Variants in CDKL4 observed in about 807,000 individuals in gnomAD.
CDKL4 encodes the protein cyclin-dependent kinase-like 4.
A neutral mutation model predicts 42.0 loss-of-function variants in CDKL4; 44 were observed. The ratio of observed to expected loss-of-function variants is 1.05; its 90% confidence interval spans 0.82 to 1.35. The LOEUF (loss-of-function observed/expected upper bound fraction) is 1.35. Ranked by LOEUF, CDKL4 falls within the 40% of genes most tolerant of loss-of-function variation. The probability of loss-of-function intolerance (pLI) is 0.00; values close to 1 mark genes in which losing one functional copy is unlikely to be tolerated. For synonymous variants in CDKL4, 120 were observed against 121.6 expected, an observed-to-expected ratio of 0.99 and a Z score of 0.09; for missense variants, 393 against 369.9, an observed-to-expected ratio of 1.06 and a Z score of -0.51.
the CDKL4 span, among the ~76,000 whole-genome samples, chr2:39,169,889 C>G: frequency 1.3e-5 from 2 of 152,138 alleles, no homozygotes; most frequent in African/African-American, 4.8e-5. Flanking sequence ...ACCTCCGCCT[C>G]CTGGCTCAAG....
chr2:39,177,069 A>G (rs893221200), intron 9 of CDKL4, among the ~76,000 whole-genome samples: 15 of 152,146 alleles, frequency 9.9e-5, no homozygotes, highest in African/African-American at 3.6e-4. Context: ...GATGGAGAAC[A>G]TGGGCTGATC....
At chr2:39,196,861 C>T (rs1026579399) in intron 5 of CDKL4, among the ~76,000 whole-genome samples, 5 of 152,226 alleles carry the variant, frequency 3.3e-5, no homozygotes, top group African/African-American at 1.2e-4. Flanking sequence ...CCCACCTTGG[C>T]CTCCCAAAGT....
At chr2:39,218,797 C>G (rs1195076756) in intron 3 of CDKL4, among the ~76,000 whole-genome samples, 1 of 152,164 alleles carries the variant, frequency 6.6e-6, no homozygotes, top group Non-Finnish European at 1.5e-5. Flanking sequence ...AGGACTTGGC[C>G]TGAATTAGAC....
chr2:39,193,711 T>C (rs1333608157), intron 5 of CDKL4, among the ~76,000 whole-genome samples: 1 of 152,126 alleles, frequency 6.6e-6, no homozygotes, highest in East Asian at 1.9e-4. Context: ...ATGTTCTTTG[T>C]AGAAAACTTG....
At chr2:39,223,156 T>C (rs1678481261) in intron 3 of CDKL4, among the ~76,000 whole-genome samples, 2 of 152,180 alleles carry the variant, frequency 1.3e-5, no homozygotes, top group South Asian at 4.1e-4. Flanking sequence ...CTGCATATTG[T>C]ACTATTGTAT....
chr2:39,207,585 G>C (rs1400610415), intron 4 of CDKL4, among the ~76,000 whole-genome samples: 1 of 152,166 alleles, frequency 6.6e-6, no homozygotes, highest in South Asian at 2.1e-4. Context: ...GCATTACCAA[G>C]TAAATGGATT....
intron 5 of CDKL4, among the ~76,000 whole-genome samples, chr2:39,193,799 T>C (rs542009728): frequency 1.5e-4 from 23 of 152,238 alleles, no homozygotes; most frequent in Admixed American, 3.3e-4. Context: ...CCTTTTGGAA[T>C]AGAATTGGGA....
chr2:39,238,242 T>A (rs542671541), intron 1 of CDKL4, among the ~76,000 whole-genome samples: 2 of 152,200 alleles, frequency 1.3e-5, no homozygotes, highest in African/African-American at 4.8e-5. Flanking sequence ...ACAAGCCCGG[T>A]CAACATAGTG....
exon 4 of CDKL4, chr2:39,213,442 T>A: frequency 6.2e-7 from 1 of 1,611,594 alleles, no homozygotes; most frequent in Non-Finnish European, 8.5e-7. Flanking sequence ...GTGTTTGCCA[T>A]AATACGCTTT....
In CDKL4 at chr2:39,201,589, G is replaced by C. The variant is rs146344995; in HGVS notation, c.454+2938C>G. Among the ~76,000 whole-genome samples the C allele has an allele frequency of 1.9e-3, 289 of 152,188 alleles. 2 individuals are homozygous for C. Among genetic ancestry groups the C allele is most frequent in the African/African-American group, 6.8e-3 (281 of 41,506 alleles). On this transcript the variant is annotated intron_variant, in intron 5 of 9. Coordinates refer to ENST00000451199, the Ensembl canonical transcript of CDKL4. ...AGCCCAAATGTCCATCAATCAACAA[G>C]TAGATAAAGAAAATGTGGTATATAT...
the CDKL4 span, among the ~76,000 whole-genome samples, chr2:39,168,328 G>A: frequency 6.6e-6 from 1 of 152,188 alleles, no homozygotes; most frequent in African/African-American, 2.4e-5. Context: ...TGGTCAATGA[G>A]TAGTGTTCAT....
chr2:39,229,604 G>C lies in CDKL4; in HGVS notation c.-56-16C>G, dbSNP rs1678971934. On this transcript the variant is annotated splice_polypyrimidine_tract_variant and intron_variant, in intron 1 of 9. Transcript: ENST00000451199. ...AATGCTGCACCTGGAAAATAAGGTA[G>C]ACTTGCCTTAATCAAGCTATAAAAG... 5 of 1,223,088 alleles carry C rather than the reference G, an allele frequency of 4.1e-6. No homozygotes were observed. In the African/African-American group the frequency reaches 4.6e-5, roughly 11 times the overall value. The allele number at this position is 1,223,088 out of a possible 1,614,324, so 75.8% of individuals were successfully genotyped here.
At chr2:39,219,961 C>G (rs1281948553) in intron 3 of CDKL4, among the ~76,000 whole-genome samples, 1 of 152,120 alleles carries the variant, frequency 6.6e-6, no homozygotes, top group Non-Finnish European at 1.5e-5. Flanking sequence ...GATATCGACC[C>G]TAAAAGAACC....
chr2:39,171,310 G>A (rs1674993946), downstream of CDKL4, among the ~76,000 whole-genome samples: 1 of 151,330 alleles, frequency 6.6e-6, no homozygotes, highest in African/African-American at 2.4e-5. Context: ...ATGAAGAACT[G>A]TGATACACCT....
intron 5 of CDKL4, among the ~76,000 whole-genome samples, chr2:39,201,849 C>T (rs565188904): frequency 2.6e-4 from 40 of 152,160 alleles, no homozygotes; most frequent in South Asian, 2.3e-3. Context: ...GGTCGGGCGG[C>T]GGGTGAGGGA....
intron 3 of CDKL4, among the ~76,000 whole-genome samples, chr2:39,225,330 A>C (rs890571901): frequency 6.6e-6 from 1 of 151,832 alleles, no homozygotes; most frequent in African/African-American, 2.4e-5. Flanking sequence ...GCTTGAACCC[A>C]GGAGGTGGAG....
chr2:39,176,384 A>G (rs2148274334), intron 9 of CDKL4, among the ~76,000 whole-genome samples: 1 of 152,308 alleles, frequency 6.6e-6, no homozygotes, highest in African/African-American at 2.4e-5. Flanking sequence ...CCCATCAGCT[A>G]CTATACAATA....
At chr2:39,203,351 C>A (rs1012564096) in intron 5 of CDKL4, among the ~76,000 whole-genome samples, 2 of 152,092 alleles carry the variant, frequency 1.3e-5, no homozygotes, top group Non-Finnish European at 2.9e-5. Context: ...ATATGAAATG[C>A]TGCTCTTATG....
chr2:39,208,533 G>C (rs143446451), intron 4 of CDKL4, among the ~76,000 whole-genome samples: 4,029 of 151,988 alleles, frequency 0.027, 65 homozygotes, highest in Middle Eastern at 0.054. Flanking sequence ...AGTAGACATG[G>C]GGTTTCGCCA....
Sources: gnomAD v4.1 joint callset for allele counts (sites outside exome capture counted in the v4.1 genomes callset) on GRCh38, gnomAD v4.1.1 for gene constraint, MANE v1.5 for transcripts, NCBI Gene and HGNC (gene_info 2026-07-23, HGNC 2026-07-21) for gene names.